Variants in CDH20 observed in about 807,000 individuals in gnomAD.
CDH20 encodes the protein cadherin-20.
Under a neutral mutation model 74.2 loss-of-function variants are expected in CDH20, and 29 were observed. The observed-to-expected ratio is 0.39, with a 90% CI of 0.29 to 0.53. CDH20 has a LOEUF of 0.53. CDH20 is among the 20% of genes least tolerant of loss of function. CDH20 has a pLI of 0.69. For missense variants in CDH20, 988 were observed against 1,048.3 expected, an observed-to-expected ratio of 0.94 and a Z score of 0.79; for synonymous variants, 469 against 405.4, an observed-to-expected ratio of 1.16 and a Z score of -1.88.
chr18:61,519,861 T>C (rs550702263), intron 6 of CDH20, among the ~76,000 whole-genome samples: 1 of 150,284 alleles, frequency 6.7e-6, no homozygotes, highest in East Asian at 1.9e-4. Flanking sequence ...ATCAGTGTGC[T>C]GTATTCAGGA....
chr18:61,452,111 C>T (rs529781661), intron 1 of CDH20, among the ~76,000 whole-genome samples: 1 of 152,124 alleles, frequency 6.6e-6, no homozygotes, highest in African/African-American at 2.4e-5. Context: ...AAAAAACACC[C>T]CCTCCCAACA....
intron 1 of CDH20, among the ~76,000 whole-genome samples, chr18:61,441,394 A>G (rs556095271): frequency 2.6e-5 from 4 of 152,198 alleles, no homozygotes; most frequent in Non-Finnish European, 4.4e-5. Context: ...AGTGAAACAT[A>G]TTTATGTCTC....
chr18:61,458,605 C>T (rs1393151814), intron 1 of CDH20, among the ~76,000 whole-genome samples: 2 of 152,138 alleles, frequency 1.3e-5, no homozygotes, highest in Non-Finnish European at 1.5e-5. Context: ...AGGCTTAAGG[C>T]TTATGATGTG....
At chr18:61,405,167 C>A in intron 1 of CDH20, 1 of 533,164 alleles carries the variant, frequency 1.9e-6, no homozygotes, top group East Asian at 4.4e-5. Flanking sequence ...TAGAATTGAT[C>A]AACTCCAGCG....
In CDH20 at chr18:61,502,605, C is replaced by A. The variant is rs543477958; in HGVS notation, c.662-348C>A. On this transcript the variant is annotated intron_variant, in intron 4 of 11. Coordinates refer to ENST00000262717, the MANE Select transcript of CDH20 (RefSeq NM_031891.4). The stretch of plus-strand genomic sequence containing the variant: ...AGGCTTTGTTTTCTGGACCCAAAGC[C>A]CCCAGTTTTCCTTGGTGAGACAGCA... 3.9e-5 allele frequency among the ~76,000 whole-genome samples: 6 copies of A among 152,210 alleles called. No homozygotes were observed. In the South Asian group the frequency reaches 1.2e-3, roughly 32 times the overall value.
chr18:61,426,898 C>T (rs1009029637), intron 1 of CDH20, among the ~76,000 whole-genome samples: 1 of 152,074 alleles, frequency 6.6e-6, no homozygotes, highest in Non-Finnish European at 1.5e-5. Context: ...AATTAGAGCC[C>T]TGAACGAGGG....
At chr18:61,393,325 C>T (rs188901341) in intron 1 of CDH20, among the ~76,000 whole-genome samples, 327 of 152,282 alleles carry the variant, frequency 2.1e-3, no homozygotes, top group African/African-American at 7.3e-3. Context: ...AGACATTTTG[C>T]TTCCCACAGT....
At chr18:61,547,339 A>C (rs539077314) in intron 10 of CDH20, among the ~76,000 whole-genome samples, 12 of 152,064 alleles carry the variant, frequency 7.9e-5, no homozygotes, top group Non-Finnish European at 1.8e-4. Context: ...AAAAAAAGCC[A>C]CCACAACAAA....
intron 1 of CDH20, among the ~76,000 whole-genome samples, chr18:61,453,112 C>G (rs1488955393): frequency 1.3e-5 from 2 of 152,074 alleles, no homozygotes; most frequent in African/African-American, 4.8e-5. Flanking sequence ...ACATTTCCAT[C>G]ACCACAGGGC....
At chr18:61,519,887 C>G (rs1031806479) in intron 6 of CDH20, among the ~76,000 whole-genome samples, 18 of 144,014 alleles carry the variant, frequency 1.2e-4, no homozygotes, top group Non-Finnish European at 1.8e-4. Context: ...ATCTAACATG[C>G]AAAGACAAAC....
intron 1 of CDH20, among the ~76,000 whole-genome samples, chr18:61,456,562 G>T (rs1909577089): frequency 6.6e-6 from 1 of 151,978 alleles, no homozygotes; most frequent in Admixed American, 6.6e-5. Context: ...CAAAAAGTTT[G>T]GAGAAAGATG....
chr18:61,351,698 T>C (rs1910312082), intron 1 of CDH20, among the ~76,000 whole-genome samples: 1 of 152,164 alleles, frequency 6.6e-6, no homozygotes, highest in African/African-American at 2.4e-5. Context: ...GCAGCACCTT[T>C]GGGATGCCTA....
At chr18:61,366,137 A>G (rs963585563) in intron 1 of CDH20, among the ~76,000 whole-genome samples, 10 of 152,132 alleles carry the variant, frequency 6.6e-5, no homozygotes, top group African/African-American at 2.2e-4. Flanking sequence ...CTCAAATTTC[A>G]TTTGGTTCTA....
intron 1 of CDH20, among the ~76,000 whole-genome samples, chr18:61,402,556 T>C (rs1328467886): frequency 1.3e-5 from 2 of 152,212 alleles, no homozygotes; most frequent in African/African-American, 2.4e-5. Context: ...TGATTGTAAA[T>C]TAAGCACCAT....
chr18:61,439,494 T>C (rs1159626704), intron 1 of CDH20, among the ~76,000 whole-genome samples: 2 of 152,126 alleles, frequency 1.3e-5, no homozygotes, highest in Non-Finnish European at 2.9e-5. Context: ...CAATATACCA[T>C]AAATAATAGG....
chr18:61,542,751 G>A (rs144700402), intron 9 of CDH20, among the ~76,000 whole-genome samples: 29 of 152,196 alleles, frequency 1.9e-4, no homozygotes, highest in African/African-American at 6.7e-4. Flanking sequence ...ATCTAGGGAG[G>A]GCCTCAAGCT....
Position 61,555,666 on chromosome 18 carries a change from AG to A in CDH20, c.*972del. The A allele has an allele frequency of 1.0e-6, 1 of 977,742 alleles. No individual in the cohort carries two copies. The highest frequency in any genetic ancestry group is 1.2e-6 in the Non-Finnish European group (1 of 822,886). 60.6% of individuals were successfully genotyped at this position (977,742 alleles called of 1,614,324 possible). On this transcript the variant is annotated 3_prime_UTR_variant, in exon 12 of 12. Transcript: ENST00000262717. ...GTATTATAGAGAATAAATGGATGTA[AG>A]AAAATTACATGTACAAGTTTTGTAT... is the stretch of plus-strand genomic sequence containing the variant.
At chr18:61,403,715 C>A (rs192214884) in intron 1 of CDH20, among the ~76,000 whole-genome samples, 1 of 152,120 alleles carries the variant, frequency 6.6e-6, no homozygotes, top group Non-Finnish European at 1.5e-5. Context: ...TTAGATAACT[C>A]ATGGGTAAAG....
At chr18:61,454,329 C>T (rs903296723) in intron 1 of CDH20, among the ~76,000 whole-genome samples, 1 of 152,098 alleles carries the variant, frequency 6.6e-6, no homozygotes, top group African/African-American at 2.4e-5. Context: ...AGTTCTATTA[C>T]ATAAAATATG....
Sources: gnomAD v4.1 joint callset for allele counts (sites outside exome capture counted in the v4.1 genomes callset) on GRCh38, gnomAD v4.1.1 for gene constraint, MANE v1.5 for transcripts, NCBI Gene and HGNC (gene_info 2026-07-23, HGNC 2026-07-21) for gene names.